The following SEC14L5 variants were observed in gnomAD, a reference collection of about 807,000 sequenced individuals.
The protein encoded by SEC14L5 is SEC14-like protein 5.
Under a neutral mutation model 84.6 loss-of-function variants are expected in SEC14L5, and 96 were observed. The observed-to-expected ratio is 1.13, with a 90% CI of 0.96 to 1.34. The LOEUF is 1.34. SEC14L5 is among the 40% of genes most tolerant of loss of function. The pLI, the probability that SEC14L5 is intolerant of heterozygous loss-of-function variation, is 0.00. For synonymous variants in SEC14L5, 546 were observed against 383.4 expected, an observed-to-expected ratio of 1.42 and a Z score of -4.95; for missense variants, 1,224 against 942.5, an observed-to-expected ratio of 1.30 and a Z score of -3.91.
Position 4,967,549 on chromosome 16 carries a change from T to TTTTC in SEC14L5, c.63+8172_63+8175dup, listed in dbSNP as rs754254502. ...AGACTTTCCGGATTCTGGCTCTGAC[T>TTTTC]TTTCTTTCTTTCGTTTTTTTTTTTT... On this transcript the variant is annotated intron_variant, in intron 2 of 15. Coordinates refer to ENST00000251170, the MANE Select transcript of SEC14L5 (RefSeq NM_014692.2). Among the ~76,000 whole-genome samples the TTTTC allele has an allele frequency of 3.4e-3, 504 of 146,772 alleles. 2 individuals carry two copies. The highest frequency in any genetic ancestry group is 6.0e-3 in the Non-Finnish European group (405 of 66,982).
chr16:5,006,205 C>G (rs1568148134), intron 12 of SEC14L5, among the ~76,000 whole-genome samples, 157 bp downstream of exon 12: 1 of 152,204 alleles, frequency 6.6e-6, no homozygotes, highest in Non-Finnish European at 1.5e-5. Flanking sequence ...TCAGCAGCCA[C>G]AGGGCTTGCT....
At chr16:4,998,248 C>T (rs1955634478) in intron 8 of SEC14L5, among the ~76,000 whole-genome samples, 1 of 151,388 alleles carries the variant, frequency 6.6e-6, no homozygotes, top group Admixed American at 6.6e-5. Flanking sequence ...CTCAAGTGAT[C>T]CGCCCGCCTT....
intron 14 of SEC14L5, 156 bp from the exon 15 acceptor site, chr16:5,010,939 C>T (rs1162191231): frequency 3.0e-6 from 2 of 662,084 alleles, no homozygotes; most frequent in Admixed American, 5.8e-5. Context: ...CTTCCAGAGG[C>T]CCTGACAGGA....
intron 8 of SEC14L5, 35 bp downstream of exon 8, chr16:4,997,079 A>G (rs2142513537): frequency 6.8e-7 from 1 of 1,478,406 alleles, no homozygotes; most frequent in South Asian, 1.3e-5. Context: ...TATAGGGCAT[A>G]CTTTGGTCAC....
chr16:4,959,287 C>T lies in SEC14L5; in HGVS notation c.-37C>T, dbSNP rs773376048. The T allele has an allele frequency of 1.9e-6, 3 of 1,567,214 alleles. No individual in the cohort carries two copies. Among genetic ancestry groups the T allele is most frequent in the South Asian group, 1.1e-5 (1 of 90,120 alleles). On this transcript the variant is annotated 5_prime_UTR_variant, in exon 2 of 16. Coordinates refer to ENST00000251170, the MANE Select transcript of SEC14L5 (RefSeq NM_014692.2). The stretch of plus-strand genomic sequence containing the variant: ...CCTCGCCCCAGGCTCTGTGCACACC[C>T]CTGCCTGGTGACCTCCATTGGTGCT...
intron 14 of SEC14L5, among the ~76,000 whole-genome samples, chr16:5,009,231 G>GTC (rs1955771739): frequency 6.6e-6 from 1 of 152,022 alleles, no homozygotes; most frequent in Non-Finnish European, 1.5e-5. Context: ...TTCTCTGTCT[G>GTC]TCTCTCTTCT....
At chr16:4,997,338 G>A (rs1223741422) in intron 8 of SEC14L5, among the ~76,000 whole-genome samples, 1 of 152,202 alleles carries the variant, frequency 6.6e-6, no homozygotes, top group Non-Finnish European at 1.5e-5. Flanking sequence ...AATCTCAAGT[G>A]ATCTACCTGC....
At chr16:4,965,925 C>A (rs1018666619) in intron 2 of SEC14L5, among the ~76,000 whole-genome samples, 1 of 151,828 alleles carries the variant, frequency 6.6e-6, no homozygotes, top group Non-Finnish European at 1.5e-5. Flanking sequence ...ACCTGCAGTC[C>A]CAGCTACTTG....
At chr16:5,012,175 C>T (rs946421243) in intron 15 of SEC14L5, among the ~76,000 whole-genome samples, 3 of 152,060 alleles carry the variant, frequency 2.0e-5, no homozygotes, top group Non-Finnish European at 4.4e-5. Flanking sequence ...AGGGGGCTGG[C>T]GATTCACTCT....
chr16:4,962,002 C>G (rs1307528824), intron 2 of SEC14L5, among the ~76,000 whole-genome samples: 1 of 151,884 alleles, frequency 6.6e-6, no homozygotes, highest in African/African-American at 2.4e-5. Context: ...CACACACAAT[C>G]ACTTTTCATC....
chr16:5,009,201 T>A (rs1292491881), intron 14 of SEC14L5, among the ~76,000 whole-genome samples: 1 of 152,164 alleles, frequency 6.6e-6, no homozygotes, highest in Non-Finnish European at 1.5e-5. Flanking sequence ...AATCTCTGCC[T>A]CTGTCTTTAA....
chr16:4,990,979 C>G (rs1955547693), intron 5 of SEC14L5, 84 bp downstream of exon 5: 1 of 1,138,914 alleles, frequency 8.8e-7, no homozygotes, highest in East Asian at 2.8e-5. Context: ...CTGGCAAGAC[C>G]CTTACCCTTC....
At chr16:4,984,802 C>T (rs893165726) in intron 2 of SEC14L5, among the ~76,000 whole-genome samples, 7 of 152,224 alleles carry the variant, frequency 4.6e-5, no homozygotes, top group Non-Finnish European at 1.0e-4. Context: ...TGATGTTGAA[C>T]ATAGTTTCAT....
chr16:5,003,442 C>G lies in SEC14L5; in HGVS notation c.1171C>G (p.Arg391Gly). The change falls in exon 11 of 16, where the codon CGG becomes GGG. Residue 391 changes from arginine (R) to glycine (G), a missense_variant. Coordinates refer to ENST00000251170, the MANE Select transcript of SEC14L5 (RefSeq NM_014692.2). ...GCTAGACCTGGAGGGACTCAACATG[C>G]GGCACCTGTGGCGGCCGGGGGTGAA... ...CLLDLEGLNM[R>G]HLWRPGVKAL... is the part of the protein sequence containing the mutation. 6.2e-7 allele frequency: 1 copy of G among 1,613,198 alleles called. No individual in the cohort carries two copies. The highest frequency in any genetic ancestry group is 1.3e-5 in the African/African-American group (1 of 75,038).
In SEC14L5 at chr16:5,015,245, T is replaced by A. The variant is rs1955861608; in HGVS notation, c.*275T>A. On this transcript the variant is annotated 3_prime_UTR_variant, in exon 16 of 16. Transcript: ENST00000251170. The stretch of plus-strand genomic sequence containing the variant: ...CAAGGTGTCTACCATACCACACCTT[T>A]GGGACATCCGGGCTTAGCGACGTCA... 4.7e-6 allele frequency: 2 copies of A among 430,032 alleles called. No homozygotes were observed. Among genetic ancestry groups the A allele is most frequent in the African/African-American group, 4.0e-5 (2 of 50,624 alleles). The allele number at this position is 430,032 out of a possible 1,614,324, so 26.6% of individuals were successfully genotyped here.
At chr16:5,001,725 C>G (rs1955680420) in intron 10 of SEC14L5, among the ~76,000 whole-genome samples, 1 of 152,108 alleles carries the variant, frequency 6.6e-6, no homozygotes, top group Non-Finnish European at 1.5e-5. Context: ...GGCATCGCCC[C>G]CAAAGGCAGC....
chr16:5,011,397 T>G (rs1394667978), intron 15 of SEC14L5, 124 bp downstream of exon 15: 1 of 971,936 alleles, frequency 1.0e-6, no homozygotes, highest in Non-Finnish European at 1.5e-6. Flanking sequence ...CCAGCATGGG[T>G]ATGGTTGGAG....
At chr16:4,983,147 C>T (rs1410903587) in intron 2 of SEC14L5, among the ~76,000 whole-genome samples, 1 of 151,954 alleles carries the variant, frequency 6.6e-6, no homozygotes, top group African/African-American at 2.4e-5. Flanking sequence ...TGATTACAAA[C>T]ATGTGCCACC....
At position 5,016,551 on chromosome 16, in the gene SEC14L5, C is replaced by G. The variant is rs1363576631; in HGVS notation, c.*1581C>G. 1 of 152,220 alleles carries G rather than the reference C, an allele frequency of 6.6e-6. No homozygotes were observed. Among genetic ancestry groups the G allele is most frequent in the Non-Finnish European group, 1.5e-5 (1 of 68,058 alleles). The allele number at this position is 152,220 out of a possible 1,614,324, so 9.4% of individuals were successfully genotyped here. A position where few individuals can be genotyped will look rare whatever the true frequency, so the allele number is the denominator to read the frequency against. The stretch of plus-strand genomic sequence containing the variant: ...TTGCGCCCAGCCCACATTACACATC[C>G]TCATGACCTGCGTGGCAGGAGTCTC... On this transcript the variant is annotated 3_prime_UTR_variant, in exon 16 of 16. Transcript: ENST00000251170.
Sources: allele counts gnomAD v4.1 joint callset (sites outside exome capture counted in the v4.1 genomes callset), GRCh38; gene constraint gnomAD v4.1.1; transcripts MANE v1.5; gene names NCBI Gene and HGNC (gene_info 2026-07-23, HGNC 2026-07-21).